The following SPON1 variants were observed in gnomAD, a reference collection of about 807,000 sequenced individuals.
SPON1 encodes spondin-1.
A neutral mutation model predicts 111.7 loss-of-function variants in SPON1; 52 were observed. The observed-to-expected ratio is 0.47, with a 90% confidence interval of 0.37 to 0.59. SPON1 has a LOEUF of 0.59. SPON1 is among the 20% of genes least tolerant of loss of function. The pLI is 0.00. For missense variants in SPON1, 957 were observed against 1,068.5 expected, an observed-to-expected ratio of 0.90 and a Z score of 1.46; for synonymous variants, 410 against 395.8, an observed-to-expected ratio of 1.04 and a Z score of -0.43.
intron 6 of SPON1, among the ~76,000 whole-genome samples, chr11:14,144,480 A>C (rs1847695305): frequency 6.6e-6 from 1 of 151,738 alleles, no homozygotes; most frequent in South Asian, 2.1e-4. Context: ...AAATACAAAA[A>C]TTAGCCAGGC....
intron 5 of SPON1, among the ~76,000 whole-genome samples, chr11:14,132,849 G>C (rs1347197040): frequency 6.6e-6 from 1 of 152,130 alleles, no homozygotes; most frequent in East Asian, 1.9e-4. Context: ...TATAATTATT[G>C]ACTGTCTATT....
At chr11:13,993,276 T>G (rs1231814766) in intron 2 of SPON1, among the ~76,000 whole-genome samples, 1 of 150,976 alleles carries the variant, frequency 6.6e-6, no homozygotes, top group African/African-American at 2.4e-5. Context: ...GAGAAGGGGG[T>G]GGGGCTACCT....
intron 6 of SPON1, among the ~76,000 whole-genome samples, chr11:14,160,973 T>TTTTATATATTTATATATATTTTTATATA (rs1847939326): frequency 3.7e-5 from 1 of 27,380 alleles, no homozygotes; most frequent in Non-Finnish European, 6.6e-5. Context: ...TTATATATAT[T>TTTTATATATTTATATATATTTTTATATA]TTTATATATT....
intron 5 of SPON1, among the ~76,000 whole-genome samples, chr11:14,122,547 C>T (rs1847403339): frequency 6.6e-6 from 1 of 152,186 alleles, no homozygotes; most frequent in African/African-American, 2.4e-5. Context: ...CTATGTTAAA[C>T]CACTTGTTTT....
chr11:14,041,772 C>T (rs1848633340), intron 3 of SPON1, 118 bp downstream of exon 3: 7 of 1,150,956 alleles, frequency 6.1e-6, no homozygotes, highest in African/African-American at 3.1e-5. Context: ...CTCTGCCCTC[C>T]CTTATCTGAA....
chr11:14,057,844 C>CAACAAAAAAAA (rs1848757963), intron 3 of SPON1, among the ~76,000 whole-genome samples: 4 of 125,460 alleles, frequency 3.2e-5, no homozygotes, highest in Non-Finnish European at 5.0e-5. Context: ...AAAAAAAAAA[C>CAACAAAAAAAA]AAAACAAAAA....
chr11:14,217,798 G>A (rs1479615119), intron 6 of SPON1, among the ~76,000 whole-genome samples: 2 of 152,114 alleles, frequency 1.3e-5, no homozygotes, highest in Non-Finnish European at 1.5e-5. Flanking sequence ...GCTATTATAA[G>A]GATAGTTAGC....
At chr11:14,151,031 T>G (rs1292819014) in intron 6 of SPON1, among the ~76,000 whole-genome samples, 3 of 152,248 alleles carry the variant, frequency 2.0e-5, no homozygotes, top group Non-Finnish European at 4.4e-5. Context: ...GTGTATGCCC[T>G]TTGGCTACAT....
At chr11:14,191,154 A>T (rs1848343868) in intron 6 of SPON1, among the ~76,000 whole-genome samples, 1 of 152,178 alleles carries the variant, frequency 6.6e-6, no homozygotes, top group South Asian at 2.1e-4. Context: ...ATCATTTAAA[A>T]AATACATTGC....
intron 2 of SPON1, among the ~76,000 whole-genome samples, chr11:14,002,911 C>T (rs909265332): frequency 6.6e-6 from 1 of 152,090 alleles, no homozygotes; most frequent in Admixed American, 6.5e-5. Context: ...ACATCTCCTC[C>T]AACCACTACC....
At chr11:14,006,063 T>A (rs73420247) in intron 2 of SPON1, among the ~76,000 whole-genome samples, 5,774 of 152,246 alleles carry the variant, frequency 0.038, 360 homozygotes, top group African/African-American at 0.13. Context: ...GAGAAGCTGA[T>A]CTTTAACTGA....
chr11:13,971,895 C>T (rs782282535), intron 1 of SPON1, among the ~76,000 whole-genome samples: 3 of 152,162 alleles, frequency 2.0e-5, no homozygotes, highest in East Asian at 1.9e-4. Context: ...CACAGACTGG[C>T]GAAGCTTGAG....
intron 5 of SPON1, among the ~76,000 whole-genome samples, chr11:14,099,364 A>G (rs1849126264): frequency 6.6e-6 from 1 of 151,688 alleles, no homozygotes; most frequent in Non-Finnish European, 1.5e-5. Flanking sequence ...GTTCCCTTCT[A>G]TTTCTTTTGG....
At chr11:14,197,478 G>T (rs1344368764) in intron 6 of SPON1, among the ~76,000 whole-genome samples, 9 of 136,716 alleles carry the variant, frequency 6.6e-5, no homozygotes, top group African/African-American at 1.7e-4. Flanking sequence ...AGGAGGAAAG[G>T]TCCTCTTTAA....
At chr11:14,011,889 C>T (rs576963543) in intron 2 of SPON1, among the ~76,000 whole-genome samples, 1 of 152,320 alleles carries the variant, frequency 6.6e-6, no homozygotes, top group African/African-American at 2.4e-5. Context: ...ATTCCTGGCT[C>T]TCCTGCTTAT....
chr11:14,096,662 G>T lies in SPON1; in HGVS notation c.676+16641G>T, dbSNP rs567761808. On this transcript the variant is annotated intron_variant, in intron 5 of 15. Transcript: ENST00000576479. The stretch of plus-strand genomic sequence containing the variant: ...CTTCCAGCTTCAACTCTCCCTCCTG[G>T]TTCCTGAAACTGCTCCTCCTCAGGT... Among the ~76,000 whole-genome samples the T allele has an allele frequency of 5.3e-5, 8 of 152,208 alleles. No homozygotes were observed. The South Asian group carries it at 1.7e-3, about 32-fold the overall frequency.
chr11:14,191,548 C>G (rs1334704653), intron 6 of SPON1, among the ~76,000 whole-genome samples: 1 of 152,172 alleles, frequency 6.6e-6, no homozygotes, highest in Non-Finnish European at 1.5e-5. Flanking sequence ...GTAGACAGCA[C>G]GGACTCTGAC....
At chr11:13,991,028 G>A (rs1848225539) in intron 2 of SPON1, among the ~76,000 whole-genome samples, 1 of 152,040 alleles carries the variant, frequency 6.6e-6, no homozygotes, top group South Asian at 2.1e-4. Context: ...TTTAACCTTG[G>A]TGAATCTGAC....
chr11:14,114,827 A>G (rs1470243551), intron 5 of SPON1, among the ~76,000 whole-genome samples: 1 of 152,094 alleles, frequency 6.6e-6, no homozygotes, highest in Non-Finnish European at 1.5e-5. Context: ...CAAGGGCAGG[A>G]CCCTTGTCTG....
Sources: allele counts gnomAD v4.1 joint callset (sites outside exome capture counted in the v4.1 genomes callset), GRCh38; gene constraint gnomAD v4.1.1; transcripts MANE v1.5; gene names NCBI Gene and HGNC (gene_info 2026-07-23, HGNC 2026-07-21).